Variants in TMTC2 observed in about 807,000 individuals in gnomAD.
TMTC2 encodes transmembrane O-mannosyltransferase targeting cadherins 2, also known as protein O-mannosyl-transferase TMTC2.
In TMTC2, 43 loss-of-function variants were observed where a neutral mutation model predicts 82.4. That is an observed-to-expected ratio of 0.52 (90% CI 0.41 to 0.67). TMTC2 has a LOEUF of 0.67. TMTC2 is among the 30% of genes least tolerant of loss of function. The pLI, the probability that TMTC2 is intolerant of heterozygous loss-of-function variation, is 0.00. For missense variants in TMTC2, 919 were observed against 1,012.4 expected (o/e 0.91, Z 1.25); for synonymous variants, 408 against 381.9 (o/e 1.07, Z -0.80).
chr12:82,737,526 A>C (rs1157629729), intron 1 of TMTC2, among the ~76,000 whole-genome samples: 2 of 152,182 alleles, frequency 1.3e-5, no homozygotes. Context: ...ATATTTATTT[A>C]AAATGGCTGC....
intron 1 of TMTC2, among the ~76,000 whole-genome samples, chr12:82,785,111 T>C (rs993847986): frequency 2.0e-5 from 3 of 152,116 alleles, no homozygotes; most frequent in Non-Finnish European, 2.9e-5. Flanking sequence ...TAGAGATCCA[T>C]GCCAATGGGA....
At chr12:83,122,404 TC>T (rs1884981077) in intron 11 of TMTC2, among the ~76,000 whole-genome samples, 1 of 151,862 alleles carries the variant, frequency 6.6e-6, no homozygotes, top group African/African-American at 2.4e-5. Flanking sequence ...TGGGGCCTTT[TC>T]CCAGTGCCTC....
rs139960061 is a variant in TMTC2 at position 82,883,370 on chromosome 12, G to A, written c.655-12448G>A. On this transcript the variant is annotated intron_variant, in intron 2 of 11. Transcript: ENST00000321196. ...TAATGAACATCTATAAGGCATGTAT[G>A]TTTATTAAGTTCTATTTGTATATAT... 6.6e-5 allele frequency among the ~76,000 whole-genome samples: 10 copies of A among 152,184 alleles called. No homozygotes were observed. The East Asian group carries it at 1.9e-3, about 29-fold the overall frequency.
chr12:82,946,844 C>G (rs1877027778), intron 4 of TMTC2, among the ~76,000 whole-genome samples: 1 of 151,596 alleles, frequency 6.6e-6, no homozygotes, highest in Non-Finnish European at 1.5e-5. Context: ...CGGGTTCACG[C>G]CATTCTCCTG....
intron 3 of TMTC2, among the ~76,000 whole-genome samples, chr12:82,918,101 G>T (rs1875125515): frequency 1.3e-5 from 2 of 151,756 alleles, no homozygotes; most frequent in South Asian, 4.2e-4. Flanking sequence ...TATTTATTGG[G>T]GTTTTACCCT....
intron 9 of TMTC2, among the ~76,000 whole-genome samples, chr12:83,048,163 G>A (rs748680349): frequency 2.4e-4 from 37 of 152,124 alleles, no homozygotes; most frequent in Non-Finnish European, 4.7e-4. Flanking sequence ...AATTTAAAAA[G>A]CAGTTTATAA....
Position 83,008,446 on chromosome 12 carries a change from C to T in TMTC2, c.2071-22352C>T, listed in dbSNP as rs141104608. Among the ~76,000 whole-genome samples, 82 of 152,288 alleles carry T rather than the reference C, an allele frequency of 5.4e-4. 1 individual carries two copies. The East Asian group carries it at 0.014, about 26-fold the overall frequency. ...TCAAGCTCACTGATTCTTTCCTTAG[C>T]CATCCTGGGTCTTCTAATGAGCCCA... On this transcript the variant is annotated intron_variant, in intron 8 of 11. Transcript: ENST00000321196.
At chr12:82,856,307 G>A (rs1331793233) in intron 1 of TMTC2, among the ~76,000 whole-genome samples, 1 of 152,230 alleles carries the variant, frequency 6.6e-6, no homozygotes, top group Non-Finnish European at 1.5e-5. Flanking sequence ...TGAAAGCTAA[G>A]AAGTGGGAAA....
intron 11 of TMTC2, among the ~76,000 whole-genome samples, chr12:83,129,639 G>A (rs552529889): frequency 6.6e-6 from 1 of 152,286 alleles, no homozygotes; most frequent in Non-Finnish European, 1.5e-5. Context: ...AGGCTAGAAA[G>A]CTAGTAAACA....
At chr12:82,793,969 GT>G (rs1266876557) in intron 1 of TMTC2, among the ~76,000 whole-genome samples, 1 of 152,154 alleles carries the variant, frequency 6.6e-6, no homozygotes, top group Admixed American at 6.5e-5. Context: ...CCCTAGGGAC[GT>G]TTTTCAATAT....
intron 1 of TMTC2, among the ~76,000 whole-genome samples, chr12:82,821,524 G>C (rs1006080194): frequency 6.6e-6 from 1 of 152,102 alleles, no homozygotes; most frequent in South Asian, 2.1e-4. Flanking sequence ...GAAAGATTAA[G>C]TAACTTCATT....
intron 11 of TMTC2, among the ~76,000 whole-genome samples, chr12:83,101,766 G>A (rs567110148): frequency 2.0e-5 from 3 of 152,226 alleles, no homozygotes; most frequent in South Asian, 2.1e-4. Context: ...AGTTAAGATC[G>A]TATAAGTATA....
intron 1 of TMTC2, among the ~76,000 whole-genome samples, chr12:82,795,648 G>GA (rs1043055345): frequency 1.3e-5 from 2 of 150,718 alleles, no homozygotes; most frequent in African/African-American, 4.9e-5. Flanking sequence ...ATGACCCTTA[G>GA]AAAAAAAAAG....
intron 1 of TMTC2, among the ~76,000 whole-genome samples, chr12:82,700,673 G>T (rs573159849): frequency 5.3e-5 from 8 of 152,256 alleles, no homozygotes; most frequent in South Asian, 4.1e-4. Flanking sequence ...TATAGTTAAT[G>T]AAATGTACAT....
intron 1 of TMTC2, among the ~76,000 whole-genome samples, chr12:82,821,005 C>T (rs1275988303): frequency 6.6e-6 from 1 of 151,648 alleles, no homozygotes. Context: ...ACTATAGGTG[C>T]ATGCCATTGT....
At chr12:83,088,750 A>G (rs1883745324) in intron 11 of TMTC2, among the ~76,000 whole-genome samples, 1 of 152,198 alleles carries the variant, frequency 6.6e-6, no homozygotes, top group South Asian at 2.1e-4. Context: ...CAGAACAGAT[A>G]TAGTAATAAT....
At chr12:83,026,884 T>C (rs2137415581) in intron 8 of TMTC2, among the ~76,000 whole-genome samples, 1 of 152,246 alleles carries the variant, frequency 6.6e-6, no homozygotes. Context: ...CCAGTTTAGC[T>C]AAGAAAACAA....
intron 9 of TMTC2, 54 bp downstream of exon 9, chr12:83,030,933 A>C (rs1787543871): frequency 1.5e-6 from 2 of 1,314,984 alleles, no homozygotes; most frequent in Non-Finnish European, 2.2e-6. Context: ...ATTAATGTTG[A>C]TATGAGATCT....
At chr12:82,805,756 C>T (rs1879216713) in intron 1 of TMTC2, among the ~76,000 whole-genome samples, 2 of 152,044 alleles carry the variant, frequency 1.3e-5, no homozygotes, top group South Asian at 4.1e-4. Flanking sequence ...CTGCCCACCT[C>T]AACCTCCCAA....
Sources: allele counts gnomAD v4.1 joint callset (sites outside exome capture counted in the v4.1 genomes callset), GRCh38; gene constraint gnomAD v4.1.1; transcripts MANE v1.5; gene names NCBI Gene and HGNC (gene_info 2026-07-23, HGNC 2026-07-21).